Variants in XIRP2 observed in about 807,000 individuals in gnomAD.
XIRP2 encodes the protein xin actin-binding repeat-containing protein 2.
XIRP2 carries 236 observed loss-of-function variants against 277.0 expected under a neutral mutation model. The observed-to-expected ratio is 0.85, with a 90% CI of 0.77 to 0.95. The LOEUF (loss-of-function observed/expected upper bound fraction) is 0.95, where lower values mean the gene tolerates loss of function less well. Among genes scored for constraint, XIRP2 ranks in the 40% least tolerant of loss-of-function variants. The pLI is 0.00. For synonymous variants in XIRP2, 1,490 were observed against 1,416.5 expected (o/e 1.05, Z -1.17); for missense variants, 4,640 against 4,157.5 (o/e 1.12, Z -3.19).
chr2:166,944,285 A>G (rs1372131970), intron 2 of XIRP2, among the ~76,000 whole-genome samples: 1 of 152,236 alleles, frequency 6.6e-6, no homozygotes, highest in Non-Finnish European at 1.5e-5. Context: ...AAAAGAAGCA[A>G]TTATGGTTTG....
intron 2 of XIRP2, among the ~76,000 whole-genome samples, chr2:167,081,668 T>C (rs1558972203): frequency 1.3e-5 from 2 of 152,168 alleles, no homozygotes; most frequent in South Asian, 4.1e-4. Context: ...TAATTACTGG[T>C]CCAGAAGTCA....
rs1559050496 is a variant in XIRP2 at position 167,259,368 on chromosome 2, T to C, written c.*1551T>C. On this transcript the variant is annotated 3_prime_UTR_variant, in exon 11 of 11. Coordinates refer to ENST00000409195, the MANE Select transcript of XIRP2 (RefSeq NM_152381.6). ...TGCTACAGTGACACTGAGTAAAATA[T>C]CTATGGCCACTGACAGTCCACACTT... The C allele has an allele frequency of 3.1e-6, 5 of 1,592,700 alleles. No homozygotes were observed. The highest frequency in any genetic ancestry group is 3.6e-5 in the Admixed American group (2 of 55,776).
chr2:167,012,212 T>C (rs1027997297), intron 2 of XIRP2, among the ~76,000 whole-genome samples: 4 of 151,684 alleles, frequency 2.6e-5, no homozygotes, highest in African/African-American at 4.8e-5. Flanking sequence ...CTATAAATTT[T>C]CCTCTACACA....
intron 3 of XIRP2, among the ~76,000 whole-genome samples, chr2:167,183,647 T>C (rs559373898): frequency 6.6e-6 from 1 of 152,170 alleles, no homozygotes; most frequent in Non-Finnish European, 1.5e-5. Flanking sequence ...TCATATGTTT[T>C]GTGTGTTATT....
intron 5 of XIRP2, among the ~76,000 whole-genome samples, chr2:167,227,808 A>T (rs913936469): frequency 6.6e-6 from 1 of 152,196 alleles, no homozygotes; most frequent in African/African-American, 2.4e-5. Context: ...GAACAAAAAT[A>T]AAGGAATTTT....
intron 4 of XIRP2, among the ~76,000 whole-genome samples, chr2:167,215,310 T>C (rs1462708503): frequency 6.6e-6 from 1 of 152,166 alleles, no homozygotes; most frequent in Non-Finnish European, 1.5e-5. Flanking sequence ...ATACAATATA[T>C]ACCTAGTTCA....
intron 3 of XIRP2, among the ~76,000 whole-genome samples, chr2:167,192,118 T>C (rs1019060787): frequency 2.0e-5 from 3 of 152,218 alleles, no homozygotes; most frequent in Non-Finnish European, 2.9e-5. Flanking sequence ...GTGTTTTCCA[T>C]TTCAAGTTTA....
At chr2:167,162,305 T>C (rs1692393382) in intron 3 of XIRP2, among the ~76,000 whole-genome samples, 1 of 152,336 alleles carries the variant, frequency 6.6e-6, no homozygotes, top group African/African-American at 2.4e-5. Flanking sequence ...GGTACCAATT[T>C]GCTGTATTAG....
chr2:167,241,677 T>A, intron 7 of XIRP2, 100 bp from the exon 8 acceptor site: 2 of 1,364,404 alleles, frequency 1.5e-6, no homozygotes, highest in South Asian at 3.1e-5. Flanking sequence ...CCCAAAGTAT[T>A]GGGATTACAG....
chr2:167,249,901 A>G lies in XIRP2; in HGVS notation c.8509A>G (p.Thr2837Ala), dbSNP rs1695417262. Reference sequence around the variant, plus strand: ...TGGTCGAAAAGAAGAGAGATTAATAACTGAAAGAAAACACGAACATCTGAA... The same window carrying G: ...TGGTCGAAAAGAAGAGAGATTAATAGCTGAAAGAAAACACGAACATCTGAA... ...MIGRKEERLI[T>A]ERKHEHLKNK... The change falls in exon 9 of 11, where the codon ACT (threonine) becomes GCT (alanine). Residue 2837 changes from threonine (T) to alanine (A), a missense_variant. Coordinates refer to ENST00000409195, the MANE Select transcript of XIRP2 (RefSeq NM_152381.6). 6.2e-7 allele frequency: 1 copy of G among 1,613,484 alleles called. No homozygotes were observed. Among genetic ancestry groups the G allele is most frequent in the Non-Finnish European group, 8.5e-7 (1 of 1,179,704 alleles).
At chr2:167,136,211 A>T in intron 3 of XIRP2, 149 bp downstream of exon 3, 1 of 698,628 alleles carries the variant, frequency 1.4e-6, no homozygotes. Context: ...TAGGAAAAAT[A>T]GAGGTGTTTA....
rs181573301 is a variant in XIRP2, at chr2:167,107,674, T to A, written c.409-28235T>A. On this transcript the variant is annotated intron_variant, in intron 2 of 10. Transcript: ENST00000409195. The stretch of plus-strand genomic sequence containing the variant: ...AGTTTTTGGTCTTTGGATTTTATTT[T>A]GTTTTGTTTGTTTTGTTGATTTGTT... 1.1e-4 allele frequency among the ~76,000 whole-genome samples: 16 copies of A among 151,796 alleles called. No homozygotes were observed. The East Asian group carries it at 3.1e-3, about 29-fold the overall frequency.
chr2:167,111,827 C>T (rs948124292), intron 2 of XIRP2, among the ~76,000 whole-genome samples: 1 of 151,956 alleles, frequency 6.6e-6, no homozygotes, highest in Non-Finnish European at 1.5e-5. Flanking sequence ...AGGCTTTTTA[C>T]TACTACTTCA....
At chr2:167,056,684 C>G (rs1689045337) in intron 2 of XIRP2, among the ~76,000 whole-genome samples, 1 of 152,074 alleles carries the variant, frequency 6.6e-6, no homozygotes, top group Non-Finnish European at 1.5e-5. Flanking sequence ...ACAATGCTAA[C>G]AATATAATCA....
intron 5 of XIRP2, among the ~76,000 whole-genome samples, chr2:167,220,523 C>T (rs1388970422): frequency 6.6e-6 from 1 of 152,192 alleles, no homozygotes; most frequent in African/African-American, 2.4e-5. Context: ...AAAGTATCAC[C>T]TTTATCAGAT....
At chr2:167,145,756 G>A (rs1174738155) in intron 3 of XIRP2, among the ~76,000 whole-genome samples, 1 of 152,112 alleles carries the variant, frequency 6.6e-6, no homozygotes, top group East Asian at 1.9e-4. Context: ...GCCCCAAACT[G>A]AGAAATTAAC....
intron 2 of XIRP2, among the ~76,000 whole-genome samples, chr2:167,027,754 A>G (rs750461811): frequency 6.0e-4 from 92 of 152,168 alleles, no homozygotes; most frequent in Middle Eastern, 3.4e-3. Context: ...GGTCTGTTGG[A>G]GTTTGCTAGA....
rs182884417 is a variant in XIRP2, at chr2:167,054,892, T to C, written c.409-81017T>C. Among the ~76,000 whole-genome samples the C allele has an allele frequency of 2.4e-3, 362 of 152,322 alleles. 3 individuals carry two copies. The highest frequency in any genetic ancestry group is 4.5e-3 in the Non-Finnish European group (305 of 68,034). On this transcript the variant is annotated intron_variant, in intron 2 of 10. Coordinates refer to ENST00000409195, the MANE Select transcript of XIRP2 (RefSeq NM_152381.6). ...TGTATCTTTCCCAATTAAAATAGAT[T>C]ATTATGAACCATGTTCCATGACTTA...
At chr2:167,135,518 G>A (rs954486339) in intron 2 of XIRP2, among the ~76,000 whole-genome samples, 6 of 152,022 alleles carry the variant, frequency 3.9e-5, no homozygotes, top group Admixed American at 3.3e-4. Flanking sequence ...ATTTCCTTCT[G>A]TCTTCAGCAT....
Sources: allele counts gnomAD v4.1 joint callset (sites outside exome capture counted in the v4.1 genomes callset), GRCh38; gene constraint gnomAD v4.1.1; transcripts MANE v1.5; gene names NCBI Gene and HGNC (gene_info 2026-07-23, HGNC 2026-07-21).